The following ALK variants were observed in gnomAD, a reference collection of about 807,000 sequenced individuals.
ALK encodes ALK receptor tyrosine kinase.
Under a neutral mutation model 163.1 loss-of-function variants are expected in ALK, and 74 were observed. The ratio of observed to expected loss-of-function variants is 0.45; its 90% confidence interval spans 0.38 to 0.55. The LOEUF (loss-of-function observed/expected upper bound fraction) is 0.55. Among genes scored for constraint, ALK ranks in the 20% least tolerant of loss-of-function variants. ALK has a pLI of 0.00. For synonymous variants in ALK, 960 were observed against 843.2 expected (o/e 1.14, Z -2.40); for missense variants, 2,063 against 2,105.3 (o/e 0.98, Z 0.39).
At chr2:29,362,749 G>C (rs1413984177) in intron 5 of ALK, among the ~76,000 whole-genome samples, 1 of 152,072 alleles carries the variant, frequency 6.6e-6, no homozygotes, top group African/African-American at 2.4e-5. Flanking sequence ...GCTCTTTAAG[G>C]CCAGAAAACT....
intron 4 of ALK, among the ~76,000 whole-genome samples, chr2:29,395,459 G>A (rs1056875908): frequency 1.3e-5 from 2 of 152,160 alleles, no homozygotes; most frequent in Admixed American, 6.5e-5. Flanking sequence ...CCCCTTCACT[G>A]GGGTGGTCAT....
chr2:29,734,768 T>G, intron 1 of ALK, among the ~76,000 whole-genome samples: 1 of 152,192 alleles, frequency 6.6e-6, no homozygotes, highest in Middle Eastern at 3.4e-3. Context: ...ACTACTACTT[T>G]TCACTTATTG....
intron 3 of ALK, among the ~76,000 whole-genome samples, chr2:29,647,667 A>C (rs1676918196): frequency 6.6e-6 from 1 of 151,962 alleles, no homozygotes; most frequent in South Asian, 2.1e-4. Context: ...GCCCGTCCAT[A>C]CACTTAGCTT....
At chr2:29,685,367 C>A (rs1426232405) in intron 3 of ALK, among the ~76,000 whole-genome samples, 3 of 152,288 alleles carry the variant, frequency 2.0e-5, no homozygotes, top group African/African-American at 7.2e-5. Flanking sequence ...CCTGGAGGTG[C>A]TTTCGGTACT....
At chr2:29,311,304 G>C (rs936063489) in intron 8 of ALK, among the ~76,000 whole-genome samples, 1 of 152,170 alleles carries the variant, frequency 6.6e-6, no homozygotes, top group Admixed American at 6.5e-5. Context: ...AGATCCTAAA[G>C]GTGGGGAGGC....
At chr2:29,260,414 A>G (rs901267400) in intron 11 of ALK, among the ~76,000 whole-genome samples, 1 of 152,014 alleles carries the variant, frequency 6.6e-6, no homozygotes, top group Non-Finnish European at 1.5e-5. Flanking sequence ...ATTTTGAATG[A>G]TATTTGATCT....
intron 1 of ALK, among the ~76,000 whole-genome samples, chr2:29,899,918 C>A (rs1472510588): frequency 6.6e-6 from 1 of 152,210 alleles, no homozygotes; most frequent in Admixed American, 6.5e-5. Flanking sequence ...CTGTTACTTG[C>A]AGCCAAATGT....
Position 29,544,764 on chromosome 2 carries a change from T to C in ALK, c.953-12648A>G, listed in dbSNP as rs1021996849. Among the ~76,000 whole-genome samples the C allele has an allele frequency of 2.0e-5, 3 of 152,074 alleles. No individual in the cohort carries two copies. The East Asian group carries it at 5.8e-4, about 30-fold the overall frequency. ...CTCCTGGAAACCTCCTCTGAGTTAC[T>C]GCACTGGTCTCGCTACCTGAGGAGA... On this transcript the variant is annotated intron_variant, in intron 3 of 28. Transcript: ENST00000389048.
At chr2:29,325,829 A>G (rs913418864) in intron 6 of ALK, among the ~76,000 whole-genome samples, 8 of 152,234 alleles carry the variant, frequency 5.3e-5, no homozygotes, top group Non-Finnish European at 1.2e-4. Context: ...AAAAGTGTTG[A>G]GAACAGCTCC....
chr2:29,759,441 G>A (rs547151710), intron 1 of ALK, among the ~76,000 whole-genome samples: 22 of 150,154 alleles, frequency 1.5e-4, no homozygotes, highest in South Asian at 2.1e-4. Context: ...GCATGTGTGC[G>A]TGCGTGCGTG....
chr2:29,505,431 G>A (rs751555622), intron 4 of ALK, among the ~76,000 whole-genome samples: 3 of 152,188 alleles, frequency 2.0e-5, no homozygotes, highest in African/African-American at 7.2e-5. Context: ...TAAGTACTTG[G>A]CAGGGGCTTC....
chr2:29,390,168 C>T (rs1317153283), intron 4 of ALK, among the ~76,000 whole-genome samples: 6 of 152,056 alleles, frequency 3.9e-5, no homozygotes, highest in East Asian at 1.9e-4. Flanking sequence ...ACTGTTTTTC[C>T]GAGGCTTTAT....
At chr2:29,785,960 T>C (rs7609323) in intron 1 of ALK, among the ~76,000 whole-genome samples, 100 of 124,664 alleles carry the variant, frequency 8.0e-4, no homozygotes, top group African/African-American at 3.1e-3. Context: ...CACACACACA[T>C]TACCCTCTCT....
chr2:29,468,995 G>A (rs1486798940), intron 4 of ALK, among the ~76,000 whole-genome samples: 1 of 151,980 alleles, frequency 6.6e-6, no homozygotes, highest in African/African-American at 2.4e-5. Flanking sequence ...TGAGCAGTAG[G>A]ATATAAATAA....
At chr2:29,229,889 A>G (rs1237397348) in intron 15 of ALK, among the ~76,000 whole-genome samples, 1 of 152,140 alleles carries the variant, frequency 6.6e-6, no homozygotes, top group Non-Finnish European at 1.5e-5. Context: ...CTGGCAACAA[A>G]GGCAGCCTCA....
intron 3 of ALK, among the ~76,000 whole-genome samples, chr2:29,585,892 C>G (rs543082950): frequency 6.6e-6 from 1 of 151,868 alleles, no homozygotes; most frequent in Non-Finnish European, 1.5e-5. Flanking sequence ...TATCTTAATA[C>G]GTATCCTAAG....
chr2:29,415,335 C>T (rs1573333793), intron 4 of ALK, among the ~76,000 whole-genome samples: 1 of 151,988 alleles, frequency 6.6e-6, no homozygotes, highest in East Asian at 1.9e-4. Flanking sequence ...GTCCCAGGTA[C>T]ACAGCTAGTA....
At chr2:29,671,348 C>T (rs1677682018) in intron 3 of ALK, among the ~76,000 whole-genome samples, 3 of 152,034 alleles carry the variant, frequency 2.0e-5, no homozygotes, top group Admixed American at 2.0e-4. Flanking sequence ...AAATGTGCCT[C>T]CTAAGCATGA....
intron 4 of ALK, among the ~76,000 whole-genome samples, chr2:29,497,728 G>A (rs976773245): frequency 2.6e-5 from 4 of 152,016 alleles, no homozygotes; most frequent in Middle Eastern, 3.2e-3. Context: ...TGCTCACATG[G>A]GAACTCAACA....
Sources: allele counts gnomAD v4.1 joint callset (sites outside exome capture counted in the v4.1 genomes callset), GRCh38; gene constraint gnomAD v4.1.1; transcripts MANE v1.5; gene names NCBI Gene and HGNC (gene_info 2026-07-23, HGNC 2026-07-21).